The following OSBPL2 variants were observed in gnomAD, a reference collection of about 807,000 sequenced individuals.
The protein encoded by OSBPL2 is oxysterol-binding protein-related protein 2.
A neutral mutation model predicts 58.4 loss-of-function variants in OSBPL2; 18 were observed. The ratio of observed to expected loss-of-function variants is 0.31; its 90% CI spans 0.21 to 0.46. The LOEUF is 0.46. Ranked by LOEUF, OSBPL2 falls within the 20% of genes least tolerant of loss-of-function variation. OSBPL2 has a pLI of 1.00. For synonymous variants in OSBPL2, 221 were observed against 234.1 expected, an observed-to-expected ratio of 0.94 and a Z score of 0.51; for missense variants, 461 against 616.5, an observed-to-expected ratio of 0.75 and a Z score of 2.67.
At position 62,269,980 on chromosome 20, in the gene OSBPL2, C is replaced by T. The variant is rs1255288697; in HGVS notation, c.259-2145C>T. Reference sequence around the variant, plus strand: ...CTGAGCCGCAGGCTCTGTGCGTCTGCCCTGTGCTCTCAGCCTCGGTCCCTG... The same window carrying T: ...CTGAGCCGCAGGCTCTGTGCGTCTGTCCTGTGCTCTCAGCCTCGGTCCCTG... On this transcript the variant is annotated intron_variant, in intron 4 of 13. Transcript: ENST00000313733. The surrounding 1 kb of genome is among the most constrained non-coding windows in gnomAD (Gnocchi z 4.2). Among the ~76,000 whole-genome samples, 1 of 152,244 alleles carries T rather than the reference C, an allele frequency of 6.6e-6. No homozygotes were observed. The highest frequency in any genetic ancestry group is 2.4e-5 in the African/African-American group (1 of 41,476).
chr20:62,268,966 C>T (rs1286414993), intron 4 of OSBPL2, among the ~76,000 whole-genome samples: 3 of 151,648 alleles, frequency 2.0e-5, no homozygotes, highest in South Asian at 2.1e-4. Context: ...CTGAGGCAGG[C>T]GAATCGCTTG....
At chr20:62,265,112 C>T (rs1190155685) in intron 4 of OSBPL2, among the ~76,000 whole-genome samples, 1 of 152,172 alleles carries the variant, frequency 6.6e-6, no homozygotes, top group Admixed American at 6.5e-5. Context: ...CCAATTGTAG[C>T]ATCCATTGGT....
At chr20:62,265,386 C>G (rs1601171653) in intron 4 of OSBPL2, among the ~76,000 whole-genome samples, 2 of 152,060 alleles carry the variant, frequency 1.3e-5, no homozygotes, top group Admixed American at 6.6e-5. Context: ...AGGTTGGTTT[C>G]CCCCTTCTGC....
intron 12 of OSBPL2, among the ~76,000 whole-genome samples, chr20:62,290,147 TCTCA>T (rs1230117615): frequency 1.3e-5 from 2 of 152,156 alleles, no homozygotes; most frequent in African/African-American, 2.4e-5. Context: ...TGAACAACTT[TCTCA>T]CTCACTCATC....
chr20:62,281,379 G>A (rs1335517979), intron 8 of OSBPL2: 13 of 560,102 alleles, frequency 2.3e-5, no homozygotes, highest in African/African-American at 1.3e-4. Flanking sequence ...TTTTCGTCAC[G>A]GTTGTTACTT....
At chr20:62,277,815 C>T (rs528277803) in intron 6 of OSBPL2, among the ~76,000 whole-genome samples, 31 of 152,180 alleles carry the variant, frequency 2.0e-4, no homozygotes, top group Admixed American at 3.3e-4. Flanking sequence ...TTCACAGTTC[C>T]GGAACAATTA....
rs1983125318 is a variant in OSBPL2 at position 62,286,450 on chromosome 20, A to G, written c.997-133A>G. On this transcript the variant is annotated intron_variant, in intron 10 of 13. Transcript: ENST00000313733. ...GGGCAACAGAGCGAGACTCCGTCTG[A>G]AAAAAAAAAAAAGGAGAAGGCTGCC... 4.2e-5 allele frequency: 12 copies of G among 286,444 alleles called. No individual in the cohort carries two copies. The East Asian group carries it at 1.2e-3, about 29-fold the overall frequency. The allele number at this position is 286,444 out of a possible 1,614,324, so 17.7% of individuals were successfully genotyped here. A position where few individuals can be genotyped will look rare whatever the true frequency, so the allele number is the denominator to read the frequency against.
intron 1 of OSBPL2, among the ~76,000 whole-genome samples, chr20:62,242,048 G>A (rs1979769936): frequency 6.6e-6 from 1 of 152,230 alleles, no homozygotes; most frequent in South Asian, 2.1e-4. Context: ...TTAATATGGT[G>A]GGTTCTGGTT....
chr20:62,262,631 C>T (rs573707643), intron 3 of OSBPL2, among the ~76,000 whole-genome samples: 2 of 152,212 alleles, frequency 1.3e-5, no homozygotes, highest in Non-Finnish European at 2.9e-5. Context: ...ATGTCCTTTC[C>T]CTCCTGCCCC....
At chr20:62,257,386 C>A (rs531450834) in intron 2 of OSBPL2, among the ~76,000 whole-genome samples, 1 of 152,196 alleles carries the variant, frequency 6.6e-6, no homozygotes, top group Non-Finnish European at 1.5e-5. Flanking sequence ...GGGGATGATG[C>A]GCTCCTTACC....
At chr20:62,285,668 G>T (rs1199312716) in intron 10 of OSBPL2, 1 of 152,582 alleles carries the variant, frequency 6.6e-6, no homozygotes. Context: ...CCTGCTGTTT[G>T]GAAGGCACCG....
At chr20:62,267,383 G>T (rs959383427) in intron 4 of OSBPL2, among the ~76,000 whole-genome samples, 7 of 152,134 alleles carry the variant, frequency 4.6e-5, no homozygotes, top group Admixed American at 3.9e-4. Flanking sequence ...TCCACAAATT[G>T]TTCCATCTTT....
At chr20:62,270,410 T>C (rs867983536) in intron 4 of OSBPL2, among the ~76,000 whole-genome samples, 122 of 123,254 alleles carry the variant, frequency 9.9e-4, no homozygotes, top group Non-Finnish European at 1.6e-3. Flanking sequence ...CTTGTCCCTC[T>C]CTGGCCTCTC....
At chr20:62,272,054 G>A (rs2145951306) in intron 4 of OSBPL2, 71 bp from the exon 5 acceptor site, 8 of 1,571,776 alleles carry the variant, frequency 5.1e-6, no homozygotes, top group East Asian at 2.2e-5. Context: ...GATGCTCAGA[G>A]CAGGGGCATC....
chr20:62,289,135 C>T, intron 11 of OSBPL2, 72 bp from the exon 12 acceptor site: 2 of 1,562,322 alleles, frequency 1.3e-6, no homozygotes, highest in Non-Finnish European at 1.8e-6. Context: ...CAGGGGCCCA[C>T]TGGGGGTCTT....
chr20:62,259,969 T>C lies in OSBPL2; in HGVS notation c.38-12T>C, dbSNP rs780697818. The C allele has an allele frequency of 1.2e-6, 2 of 1,605,100 alleles. No individual in the cohort carries two copies. The highest frequency in any genetic ancestry group is 2.2e-5 in the East Asian group (1 of 44,814). Reference sequence around the variant, plus strand: ...GGTCCAGCGAAAATGACCATTTTCTTGTCTCGCACAGGCTTTGATTCTGAT... The same window carrying C: ...GGTCCAGCGAAAATGACCATTTTCTCGTCTCGCACAGGCTTTGATTCTGAT... On this transcript the variant is annotated splice_polypyrimidine_tract_variant and intron_variant, in intron 2 of 13. Transcript: ENST00000313733.
At chr20:62,292,739 C>T (rs541282014) in intron 13 of OSBPL2, among the ~76,000 whole-genome samples, 34 of 152,280 alleles carry the variant, frequency 2.2e-4, no homozygotes, top group Admixed American at 6.5e-4. Context: ...TACCCGGTGG[C>T]TTACATGTGG....
Position 62,251,186 on chromosome 20 carries a change from GGCGCCTGCCACT to G in OSBPL2, c.-128-4865_-128-4854del, listed in dbSNP as rs1980506990. On this transcript the variant is annotated intron_variant, in intron 1 of 13. Transcript: ENST00000313733. Reference sequence around the variant, plus strand: ...AGCCTCCTGAGTAGCTGGGACTACAGGCGCCTGCCACTGCGCCGGCCACCACGCCCGGCTAAT... The same window carrying G: ...AGCCTCCTGAGTAGCTGGGACTACAGGCGCCGGCCACCACGCCCGGCTAAT... Among the ~76,000 whole-genome samples the G allele has an allele frequency of 3.3e-5, 5 of 150,886 alleles. No individual in the cohort carries two copies. The South Asian group carries it at 1.0e-3, about 32-fold the overall frequency.
Position 62,272,269 on chromosome 20 carries a change from AG to A in OSBPL2, c.393+14del. The A allele has an allele frequency of 1.2e-6, 2 of 1,612,046 alleles. No individual in the cohort carries two copies. Among genetic ancestry groups the A allele is most frequent in the South Asian group, 1.1e-5 (1 of 91,042 alleles). ...CCTGGAGAGGATGCAGGTGGGCCTT[AG>A]GGGTGCCAGGCAGGAGTTTGTCATG... On this transcript the variant is annotated intron_variant, in intron 5 of 13. Coordinates refer to ENST00000313733, the MANE Select transcript of OSBPL2 (RefSeq NM_144498.4).
Sources: allele counts gnomAD v4.1 joint callset (sites outside exome capture counted in the v4.1 genomes callset), GRCh38; gene constraint gnomAD v4.1.1; non-coding constraint Gnocchi (gnomAD v3.1); transcripts MANE v1.5; gene names NCBI Gene and HGNC (gene_info 2026-07-23, HGNC 2026-07-21).